Variants in YY1AP1 observed in about 807,000 individuals in gnomAD.
YY1AP1 encodes the protein YY1 associated protein 1.
Under a neutral mutation model 39.9 loss-of-function variants are expected in YY1AP1, and 43 were observed. That is an observed-to-expected ratio of 1.08 (90% CI 0.84 to 1.39). The LOEUF is 1.39. Among genes scored for constraint, YY1AP1 ranks in the 40% most tolerant of loss-of-function variants. YY1AP1 has a pLI of 0.00. For synonymous variants in YY1AP1, 292 were observed against 331.3 expected, an observed-to-expected ratio of 0.88 and a Z score of 1.29; for missense variants, 813 against 900.7, an observed-to-expected ratio of 0.90 and a Z score of 1.25.
chr1:155,673,407 T>C (rs1012268144), intron 6 of YY1AP1, among the ~76,000 whole-genome samples: 3 of 152,190 alleles, frequency 2.0e-5, no homozygotes, highest in African/African-American at 7.2e-5. Context: ...CAGTAAGAGA[T>C]GAAGACATCC....
rs750324601 is a variant in YY1AP1 at position 155,679,266 on chromosome 1, C to T, written c.125+143G>A. 25 of 1,540,712 alleles carry T rather than the reference C, an allele frequency of 1.6e-5. No individual in the cohort carries two copies. In the African/African-American group the frequency reaches 2.9e-4, roughly 18 times the overall value. On this transcript the variant is annotated intron_variant, in intron 4 of 10. Transcript: ENST00000355499. ...ATAACAAGGAGACTTCACTTGACAC[C>T]TAACTCCTGACAGGACTCTGCATCC...
chr1:155,663,308 G>A (rs924894012), intron 9 of YY1AP1, among the ~76,000 whole-genome samples: 3 of 148,672 alleles, frequency 2.0e-5, no homozygotes, highest in Admixed American at 6.7e-5. Flanking sequence ...GAGGTGGAGA[G>A]TGCAGTGGGC....
Position 155,676,593 on chromosome 1 carries a change from A to G in YY1AP1, c.279T>C (p.Ile93=), listed in dbSNP as rs768875725. The change falls in exon 5 of 11, where the codon ATT becomes ATC. Residue 93 remains isoleucine (I), a synonymous_variant. Coordinates refer to ENST00000355499, the MANE Select transcript of YY1AP1 (RefSeq NM_139119.3). The stretch of plus-strand genomic sequence containing the variant: ...GTCTCTTCCTTTGTGCTGGGTCCAG[A>G]ATCAGGGTCTGATGAACTTCCTTAC... ...PQCKEVHQTL[I]LDPAQRKRLQ... The G allele has an allele frequency of 2.5e-6, 4 of 1,614,210 alleles. No individual in the cohort carries two copies. Among genetic ancestry groups the G allele is most frequent in the Non-Finnish European group, 3.4e-6 (4 of 1,180,038 alleles).
At chr1:155,671,285 G>A (rs1221168189) in intron 7 of YY1AP1, among the ~76,000 whole-genome samples, 1 of 151,964 alleles carries the variant, frequency 6.6e-6, no homozygotes, top group Non-Finnish European at 1.5e-5. Flanking sequence ...GTAAAAATTA[G>A]CCAGGCATGG....
At position 155,663,103 on chromosome 1, in the gene YY1AP1, T is replaced by C. The variant is rs1571315353; in HGVS notation, c.880-1680A>G. On this transcript the variant is annotated intron_variant, in intron 9 of 10. Coordinates refer to ENST00000355499, the MANE Select transcript of YY1AP1 (RefSeq NM_139119.3). ...ACAAATTACTTCTGGCCAGGCGTGG[T>C]GGCTTATGCCTGTAATCCCAGCACT... is the stretch of plus-strand genomic sequence containing the variant. Among the ~76,000 whole-genome samples the C allele has an allele frequency of 3.9e-5, 6 of 152,178 alleles. No individual in the cohort carries two copies. The Middle Eastern group carries it at 0.017, about 431-fold the overall frequency.
In YY1AP1 at chr1:155,672,871, AAC is replaced by A; in HGVS notation, c.412-142_412-141del. 3 of 1,144,842 alleles carry A rather than the reference AAC, an allele frequency of 2.6e-6. No homozygotes were observed. In the South Asian group the frequency reaches 4.3e-5, roughly 16 times the overall value. 70.9% of individuals were successfully genotyped at this position (1,144,842 alleles called of 1,614,324 possible). On this transcript the variant is annotated intron_variant, in intron 6 of 10. Coordinates refer to ENST00000355499, the MANE Select transcript of YY1AP1 (RefSeq NM_139119.3). Reference sequence around the variant, plus strand: ...AATAATCATAAAGTCTTTCACAATAAACTACTGTTAAGATTATGCCTGAGTTC... The same window carrying A: ...AATAATCATAAAGTCTTTCACAATAATACTGTTAAGATTATGCCTGAGTTC...
chr1:155,688,197 G>A lies in YY1AP1; in HGVS notation c.-147C>T. On this transcript the variant is annotated 5_prime_UTR_variant, in exon 2 of 11. Coordinates refer to ENST00000355499, the MANE Select transcript of YY1AP1 (RefSeq NM_139119.3). ...TTGTCAGGAGGCGGCCAGCGGGTAA[G>A]CCGACTGGCGGAAATGCGAGAGAGG... The A allele has an allele frequency of 1.2e-6, 2 of 1,614,012 alleles. No homozygotes were observed. Among genetic ancestry groups the A allele is most frequent in the Non-Finnish European group, 1.7e-6 (2 of 1,179,970 alleles).
chr1:155,670,967 G>T, intron 7 of YY1AP1: 1 of 162,526 alleles, frequency 6.2e-6, no homozygotes, highest in South Asian at 1.7e-4. Context: ...ACGGCGCCCG[G>T]CCTCTCTTAC....
chr1:155,673,395 T>C (rs1650147564), intron 6 of YY1AP1, among the ~76,000 whole-genome samples: 1 of 152,206 alleles, frequency 6.6e-6, no homozygotes, highest in Non-Finnish European at 1.5e-5. Flanking sequence ...CTCCTCTGAA[T>C]ACAGTAAGAG....
chr1:155,680,275 C>A, intron 3 of YY1AP1, 141 bp downstream of exon 3: 1 of 855,422 alleles, frequency 1.2e-6, no homozygotes, highest in Non-Finnish European at 1.8e-6. Flanking sequence ...TTTCTTTTGT[C>A]ATTATATTCT....
intron 1 of YY1AP1, 93 bp downstream of exon 1, chr1:155,688,566 C>A (rs529365618): frequency 6.5e-7 from 1 of 1,538,126 alleles, no homozygotes; most frequent in South Asian, 1.2e-5. Flanking sequence ...CCAGCCATCC[C>A]GTACGCGCTC....
intron 2 of YY1AP1, among the ~76,000 whole-genome samples, chr1:155,686,567 G>C (rs1652397185): frequency 6.7e-6 from 1 of 149,302 alleles, no homozygotes; most frequent in South Asian, 2.1e-4. Context: ...CTCACCTCAA[G>C]GCATGGACCA....
At chr1:155,687,737 CTTAA>C (rs1431981721) in intron 2 of YY1AP1, among the ~76,000 whole-genome samples, 2 of 147,142 alleles carry the variant, frequency 1.4e-5, no homozygotes, top group Non-Finnish European at 3.0e-5. Context: ...ACTCTTATCC[CTTAA>C]TTAAACACAC....
chr1:155,671,640 C>T (rs1404537624), intron 7 of YY1AP1, among the ~76,000 whole-genome samples: 2 of 152,144 alleles, frequency 1.3e-5, no homozygotes, highest in African/African-American at 2.4e-5. Context: ...CAATTTTAGG[C>T]ACCTCTGCAT....
chr1:155,680,750 A>T (rs989171547), intron 2 of YY1AP1, among the ~76,000 whole-genome samples: 7 of 152,118 alleles, frequency 4.6e-5, no homozygotes, highest in South Asian at 2.1e-4. Flanking sequence ...CATATTTTGT[A>T]GAGATGGGTT....
chr1:155,664,572 A>G (rs1648667168), intron 9 of YY1AP1, among the ~76,000 whole-genome samples: 1 of 152,030 alleles, frequency 6.6e-6, no homozygotes, highest in Non-Finnish European at 1.5e-5. Flanking sequence ...CATCTCTACT[A>G]AAAATACAAA....
At chr1:155,670,195 T>C (rs1649641567) in intron 8 of YY1AP1, 125 bp downstream of exon 8, 1 of 1,302,458 alleles carries the variant, frequency 7.7e-7, no homozygotes, top group South Asian at 1.3e-5. Flanking sequence ...TAGAGGACTC[T>C]GCTCATCTAT....
intron 5 of YY1AP1, among the ~76,000 whole-genome samples, chr1:155,675,853 T>A (rs1204321067): frequency 2.0e-5 from 3 of 152,188 alleles, no homozygotes; most frequent in African/African-American, 7.2e-5. Context: ...TGGCATAAAT[T>A]TCTCAGACAT....
At chr1:155,661,022 G>A in intron 10 of YY1AP1, 109 bp from the exon 11 acceptor site, 1 of 1,561,842 alleles carries the variant, frequency 6.4e-7, no homozygotes, top group Non-Finnish European at 8.7e-7. Context: ...CTTTCCAAGG[G>A]ACTCTGCATA....
Sources: gnomAD v4.1 joint callset for allele counts (sites outside exome capture counted in the v4.1 genomes callset) on GRCh38, gnomAD v4.1.1 for gene constraint, MANE v1.5 for transcripts, NCBI Gene and HGNC (gene_info 2026-07-23, HGNC 2026-07-21) for gene names.